Variants in DNAH5 observed in about 807,000 individuals in gnomAD.
DNAH5 encodes dynein axonemal heavy chain 5.
DNAH5 carries 372 observed loss-of-function variants against 518.2 expected under a neutral mutation model. That is an observed-to-expected ratio of 0.72 (90% CI 0.66 to 0.78). The LOEUF (loss-of-function observed/expected upper bound fraction) is 0.78, where lower values mean the gene tolerates loss of function less well. Among genes scored for constraint, DNAH5 ranks in the 30% least tolerant of loss-of-function variants. DNAH5 has a pLI of 0.00. For synonymous variants in DNAH5, 2,039 were observed against 2,025.9 expected, an observed-to-expected ratio of 1.01 and a Z score of -0.17; for missense variants, 5,523 against 5,687.0, an observed-to-expected ratio of 0.97 and a Z score of 0.93.
intron 65 of DNAH5, among the ~76,000 whole-genome samples, chr5:13,738,859 G>A (rs1467201730): frequency 4.6e-5 from 7 of 152,212 alleles, no homozygotes; most frequent in Middle Eastern, 3.4e-3. Flanking sequence ...AAAATGATAC[G>A]TACAAATTTA....
At chr5:13,928,018 T>C (rs773444687) in intron 3 of DNAH5, 76 bp downstream of exon 3, 7 of 1,297,702 alleles carry the variant, frequency 5.4e-6, no homozygotes, top group Non-Finnish European at 7.8e-6. Context: ...GTTCTCACAG[T>C]AGCTTTCTTC....
intron 1 of DNAH5, among the ~76,000 whole-genome samples, chr5:13,985,430 A>AATATAT (rs145568740): frequency 0.013 from 1,673 of 127,032 alleles, 15 homozygotes; most frequent in Middle Eastern, 0.032. Context: ...AGTATAATAA[A>AATATAT]ATATATATAT....
At position 13,772,276 on chromosome 5, in the gene DNAH5, A is replaced by G. The variant is rs574496980; in HGVS notation, c.9374-1296T>C. Among the ~76,000 whole-genome samples the G allele has an allele frequency of 2.4e-3, 362 of 152,336 alleles. 3 individuals are homozygous for G. The highest frequency in any genetic ancestry group is 8.4e-3 in the African/African-American group (350 of 41,580). ...GCCCGCTTTCTGAAATCTTCCTTGT[A>G]TTTATCATGTAATGATTTTCTTTCT... On this transcript the variant is annotated intron_variant, in intron 55 of 78. Transcript: ENST00000265104.
At chr5:13,786,930 A>C (rs1485168679) in intron 51 of DNAH5, among the ~76,000 whole-genome samples, 1 of 152,200 alleles carries the variant, frequency 6.6e-6, no homozygotes, top group Admixed American at 6.5e-5. Context: ...AAAAAATTAG[A>C]AACATATAAT....
At chr5:13,806,611 A>G (rs1365283483) in intron 47 of DNAH5, among the ~76,000 whole-genome samples, 1 of 152,220 alleles carries the variant, frequency 6.6e-6, no homozygotes. Flanking sequence ...GCAATTTATG[A>G]CATGTATCTT....
rs201165842 is a variant in DNAH5, at chr5:13,780,997, A to T, written c.8821-38T>A. ...ACAGAAAAAGTATGTATCTTTCAAC[A>T]TGTAAATGTTCTATTTTTCCTATTT... On this transcript the variant is annotated intron_variant, in intron 52 of 78. Coordinates refer to ENST00000265104, the MANE Select transcript of DNAH5 (RefSeq NM_001369.3). The T allele has an allele frequency of 9.4e-4, 1,507 of 1,608,108 alleles. 2 individuals carry two copies. The highest frequency in any genetic ancestry group is 1.2e-3 in the Non-Finnish European group (1,441 of 1,175,456).
At chr5:13,890,315 G>A (rs1453568862) in intron 17 of DNAH5, among the ~76,000 whole-genome samples, 1 of 151,574 alleles carries the variant, frequency 6.6e-6, no homozygotes, top group East Asian at 2.0e-4. Flanking sequence ...GCTGAGGCAG[G>A]AGAATTGCTT....
intron 35 of DNAH5, among the ~76,000 whole-genome samples, chr5:13,835,984 A>T (rs1764332496): frequency 6.6e-6 from 1 of 152,154 alleles, no homozygotes; most frequent in East Asian, 1.9e-4. Flanking sequence ...TTGAAGGTAG[A>T]TTATTGGAAA....
chr5:13,931,017 C>T, intron 2 of DNAH5, 93 bp downstream of exon 2: 7 of 1,597,988 alleles, frequency 4.4e-6, no homozygotes, highest in Non-Finnish European at 6.0e-6. Flanking sequence ...GCACCTCCCT[C>T]TGGGCACAGC....
chr5:13,862,113 T>C (rs759020410), intron 29 of DNAH5, among the ~76,000 whole-genome samples: 1 of 152,162 alleles, frequency 6.6e-6, no homozygotes, highest in Non-Finnish European at 1.5e-5. Context: ...AAAATAATGT[T>C]CCTCCTGGAT....
At chr5:13,780,741 G>T in intron 53 of DNAH5, 88 bp downstream of exon 53, 2 of 1,423,532 alleles carry the variant, frequency 1.4e-6, no homozygotes, top group African/African-American at 1.4e-5. Flanking sequence ...CTCTTTATAT[G>T]TAAGAGAAAT....
At chr5:13,830,423 A>C (rs893594204) in intron 36 of DNAH5, among the ~76,000 whole-genome samples, 174 bp downstream of exon 36, 3 of 150,936 alleles carry the variant, frequency 2.0e-5, no homozygotes, top group Admixed American at 6.6e-5. Flanking sequence ...ATCAAAAAAA[A>C]GTCAGGAGGA....
chr5:13,806,345 C>T (rs1170862485), intron 47 of DNAH5, among the ~76,000 whole-genome samples: 1 of 151,968 alleles, frequency 6.6e-6, no homozygotes, highest in East Asian at 1.9e-4. Context: ...GAAAGATAGC[C>T]CATACTGGAA....
At chr5:13,842,437 A>AGAGAGAGAGAGAGAGAGAGAGAGAGAGAG (rs1561407249) in intron 32 of DNAH5, among the ~76,000 whole-genome samples, 8 of 91,406 alleles carry the variant, frequency 8.8e-5, no homozygotes, top group East Asian at 3.9e-4. Context: ...GAAAGAAAGA[A>AGAGAGAGAGAGAGAGAGAGAGAGAGAGAG]AGAAAGAAAG....
At chr5:13,768,813 C>T (rs1752885115) in intron 58 of DNAH5, 147 bp downstream of exon 58, 4 of 936,604 alleles carry the variant, frequency 4.3e-6, no homozygotes, top group Non-Finnish European at 6.7e-6. Context: ...AATAAAGTCT[C>T]AAGCAGAAAA....
upstream of DNAH5, among the ~76,000 whole-genome samples, chr5:13,948,470 C>G (rs893068491): frequency 6.6e-6 from 1 of 151,800 alleles, no homozygotes; most frequent in African/African-American, 2.4e-5. Flanking sequence ...TTTGTGAGTT[C>G]TAATGATCAA....
At chr5:13,817,800 T>G in intron 41 of DNAH5, 106 bp from the exon 42 acceptor site, 1 of 1,004,418 alleles carries the variant, frequency 1.0e-6, no homozygotes. Context: ...GCTCAAAATA[T>G]GAAAACTGCA....
intron 1 of DNAH5, among the ~76,000 whole-genome samples, chr5:13,972,738 T>G (rs538716593): frequency 2.0e-5 from 3 of 152,256 alleles, no homozygotes; most frequent in Admixed American, 2.0e-4. Context: ...GTGTGTGGAT[T>G]CTCTCAGCTT....
In DNAH5 at chr5:13,865,748, A is replaced by G. The variant is rs1769150491; in HGVS notation, c.4275T>C (p.Thr1425=). 6.2e-7 allele frequency: 1 copy of G among 1,609,870 alleles called. No homozygotes were observed. Among genetic ancestry groups the G allele is most frequent in the South Asian group, 1.1e-5 (1 of 90,970 alleles). The change falls in exon 27 of 79, where the codon ACT becomes ACC. Residue 1425 remains threonine (T), a synonymous_variant. Transcript: ENST00000265104. ...AAAGAATATCATAATAGCTATTTAC[A>G]GTTTCTATGACACTGTTGTACAGAG... ...IYTLYNSVIE[T]VNSYYDILWS... is the part of the protein sequence containing the mutation.
Sources: allele counts gnomAD v4.1 joint callset (sites outside exome capture counted in the v4.1 genomes callset), GRCh38; gene constraint gnomAD v4.1.1; transcripts MANE v1.5; gene names NCBI Gene and HGNC (gene_info 2026-07-23, HGNC 2026-07-21).